GNB5: variants seen among roughly 807,000 people sequenced by gnomAD.
GNB5 encodes guanine nucleotide-binding protein subunit beta-5.
GNB5 carries 37 observed loss-of-function variants against 55.3 expected under a neutral mutation model. That is an observed-to-expected ratio of 0.67 (90% CI 0.51 to 0.88). The LOEUF is 0.88. Among genes scored for constraint, GNB5 ranks in the 40% least tolerant of loss-of-function variants. The probability of loss-of-function intolerance (pLI) is 0.00; values close to 1 mark genes in which losing one functional copy is unlikely to be tolerated. For missense variants in GNB5, 476 were observed against 515.3 expected (o/e 0.92, Z 0.74); for synonymous variants, 219 against 198.5 (o/e 1.10, Z -0.87).
Position 52,135,407 on chromosome 15 carries a change from C to T in GNB5, c.771+206G>A, listed in dbSNP as rs138153274. Among the ~76,000 whole-genome samples the T allele has an allele frequency of 4.7e-3, 722 of 152,276 alleles. 17 individuals carry two copies. Among genetic ancestry groups the T allele is most frequent in the East Asian group, 0.025 (127 of 5,170 alleles). ...CAGAAGGAGGCCCTCACAGCTTAGC[C>T]CTGTAGCTGCCCACCAAGCCCCCGA... On this transcript the variant is annotated intron_variant, in intron 8 of 12. Coordinates refer to ENST00000261837, the MANE Select transcript of GNB5 (RefSeq NM_016194.4).
intron 6 of GNB5, among the ~76,000 whole-genome samples, chr15:52,142,605 G>T (rs1053067271): frequency 1.3e-5 from 2 of 151,276 alleles, no homozygotes; most frequent in African/African-American, 4.9e-5. Context: ...GTCCTTGAAC[G>T]TTCCTTTACT....
At chr15:52,123,387 A>T (rs2033325696) in intron 12 of GNB5, among the ~76,000 whole-genome samples, 1 of 151,678 alleles carries the variant, frequency 6.6e-6, no homozygotes, top group Non-Finnish European at 1.5e-5. Context: ...AATCCTAATT[A>T]AGTGCCCCCC....
Position 52,120,621 on chromosome 15 carries a change from G to C in GNB5, c.*2136C>G, listed in dbSNP as rs1285079605. 1.8e-4 allele frequency: 20 copies of C among 108,750 alleles called. No individual in the cohort carries two copies. The highest frequency in any genetic ancestry group is 1.4e-3 in the African/African-American group (20 of 14,346). 6.7% of individuals were successfully genotyped at this position (108,750 alleles called of 1,614,324 possible). On this transcript the variant is annotated 3_prime_UTR_variant, in exon 13 of 13. Coordinates refer to ENST00000261837, the MANE Select transcript of GNB5 (RefSeq NM_016194.4). ...TGGGAGCCGGAAGGCACAGTGCAGA[G>C]ACAAAAAAAAAAATGGCTGTGGGAG...
intron 3 of GNB5, among the ~76,000 whole-genome samples, chr15:52,163,698 C>G (rs564042109): frequency 1.3e-5 from 2 of 152,338 alleles, no homozygotes; most frequent in South Asian, 4.1e-4. Flanking sequence ...AGGTTTCCCC[C>G]AGCACAGCGT....
Position 52,135,659 on chromosome 15 carries a change from C to T in GNB5, c.725G>A (p.Cys242Tyr). The change falls in exon 8 of 13, where the codon TGC becomes TAC. Residue 242 changes from cysteine to tyrosine, a missense_variant. Transcript: ENST00000261837. ...AGTTTCTGAGGGGGCCAGGTCCAAG[C>T]AGAGGACGTCAGCCCCATGTCCGTG... ...SFHGHGADVL[C>Y]LDLAPSETGN... is the part of the protein sequence containing the mutation. The T allele has an allele frequency of 1.2e-6, 2 of 1,613,688 alleles. No individual in the cohort carries two copies. Among genetic ancestry groups the T allele is most frequent in the Non-Finnish European group, 1.7e-6 (2 of 1,179,844 alleles).
chr15:52,121,600 T>A lies in GNB5; in HGVS notation c.*1157A>T, dbSNP rs1170458362. Reference sequence around the variant, plus strand: ...GTAATTATAATTGCAATGCAATACATATGAATATAATTTTTTTTTTTTTTT... The same window carrying A: ...GTAATTATAATTGCAATGCAATACAAATGAATATAATTTTTTTTTTTTTTT... On this transcript the variant is annotated 3_prime_UTR_variant, in exon 13 of 13. Coordinates refer to ENST00000261837, the MANE Select transcript of GNB5 (RefSeq NM_016194.4). 6.8e-6 allele frequency: 1 copy of A among 147,938 alleles called. No homozygotes were observed. The highest frequency in any genetic ancestry group is 2.1e-4 in the South Asian group (1 of 4,668). The allele number at this position is 147,938 out of a possible 1,614,324, so 9.2% of individuals were successfully genotyped here.
At chr15:52,140,052 G>T in intron 7 of GNB5, 1 of 972,462 alleles carries the variant, frequency 1.0e-6, no homozygotes, top group Non-Finnish European at 1.3e-6. Context: ...CAAGATTCCT[G>T]GTTAGGCTCA....
At chr15:52,140,818 G>A (rs1566937343) in intron 7 of GNB5, among the ~76,000 whole-genome samples, 1 of 152,148 alleles carries the variant, frequency 6.6e-6, no homozygotes, top group Non-Finnish European at 1.5e-5. Flanking sequence ...CTTTACACAC[G>A]TTAGCACGCA....
intron 3 of GNB5, among the ~76,000 whole-genome samples, chr15:52,156,937 C>CTT (rs996188157): frequency 1.2e-4 from 16 of 138,024 alleles, no homozygotes; most frequent in East Asian, 6.3e-4. Context: ...TTTCCAAATT[C>CTT]TTTTTTTTTT....
intron 3 of GNB5, among the ~76,000 whole-genome samples, chr15:52,170,472 T>C (rs191353529): frequency 3.3e-5 from 5 of 152,322 alleles, no homozygotes; most frequent in African/African-American, 1.2e-4. Context: ...AAACACCACA[T>C]GTTCTCCTTT....
chr15:52,133,598 G>A (rs2033632854), intron 8 of GNB5, 129 bp from the exon 9 acceptor site: 5 of 651,376 alleles, frequency 7.7e-6, no homozygotes, highest in Non-Finnish European at 1.4e-5. Context: ...ACTTTTCTGA[G>A]ACTAGCTTTA....
At chr15:52,176,597 C>T (rs1160239904) in intron 3 of GNB5, among the ~76,000 whole-genome samples, 2 of 152,170 alleles carry the variant, frequency 1.3e-5, no homozygotes, top group African/African-American at 4.8e-5. Context: ...GCTCAGAAAT[C>T]ATCTCTCGCT....
At chr15:52,129,912 G>A (rs534237485) in intron 9 of GNB5, among the ~76,000 whole-genome samples, 25 of 152,232 alleles carry the variant, frequency 1.6e-4, no homozygotes, top group African/African-American at 4.3e-4. Context: ...ACACTAGTTC[G>A]TTTTGTTTTG....
At chr15:52,157,898 T>A (rs1177646198) in intron 3 of GNB5, among the ~76,000 whole-genome samples, 2 of 147,436 alleles carry the variant, frequency 1.4e-5, no homozygotes, top group East Asian at 3.9e-4. Context: ...ATTAGGAAGT[T>A]AAAAAAAAAA....
Position 52,158,327 on chromosome 15 carries a change from A to G in GNB5, c.239-4251T>C, listed in dbSNP as rs1053778327. On this transcript the variant is annotated intron_variant, in intron 3 of 12. Coordinates refer to ENST00000261837, the MANE Select transcript of GNB5 (RefSeq NM_016194.4). ...TATTCAAGCCTGGCATAAAGGGAAC[A>G]CTTCATAAGGGTTGGCTATGACATT... Among the ~76,000 whole-genome samples the G allele has an allele frequency of 3.9e-5, 6 of 152,196 alleles. No homozygotes were observed. The East Asian group carries it at 1.2e-3, about 29-fold the overall frequency.
At chr15:52,141,102 T>G in intron 7 of GNB5, 38 bp downstream of exon 7, 1 of 1,606,418 alleles carries the variant, frequency 6.2e-7, no homozygotes, top group Non-Finnish European at 8.5e-7. Flanking sequence ...TTAGTGCTCC[T>G]TGGCAGGTCA....
rs763538889 is a variant in GNB5 at position 52,124,541 on chromosome 15, C to T, written c.1108G>A (p.Val370Ile). Reference sequence around the variant, plus strand: ...TCGGGGGAAACTCGTAGAGTGCTAACGCGGTTTTCATGTCCAAACAGGATG... The same window carrying T: ...TCGGGGGAAACTCGTAGAGTGCTAATGCGGTTTTCATGTCCAAACAGGATG... ...VSILFGHENR[V>I]STLRVSPDGT... The change falls in exon 12 of 13, where the codon GTT becomes ATT. Residue 370 changes from valine to isoleucine, a missense_variant. By Grantham distance (29) the Val-to-Ile change is conservative. Transcript: ENST00000261837. 4.5e-5 allele frequency: 72 copies of T among 1,613,804 alleles called. 1 individual carries two copies. The highest frequency in any genetic ancestry group is 3.6e-4 in the South Asian group (33 of 91,078).
Position 52,121,269 on chromosome 15 carries a change from C to T in GNB5, c.*1488G>A, listed in dbSNP as rs1028202583. 3.3e-5 allele frequency: 5 copies of T among 152,274 alleles called. No homozygotes were observed. Among genetic ancestry groups the T allele is most frequent in the Non-Finnish European group, 4.4e-5 (3 of 68,114 alleles). The allele number at this position is 152,274 out of a possible 1,614,324, so 9.4% of individuals were successfully genotyped here. ...GCCTTCAGGTGCAGCCAGAACCTGC[C>T]GGCAGACCCCAGGCCACCGACGAGG... On this transcript the variant is annotated 3_prime_UTR_variant, in exon 13 of 13. Coordinates refer to ENST00000261837, the MANE Select transcript of GNB5 (RefSeq NM_016194.4).
At chr15:52,136,882 T>G (rs2033737953) in intron 7 of GNB5, 1 of 411,000 alleles carries the variant, frequency 2.4e-6, no homozygotes, top group Non-Finnish European at 4.8e-6. Context: ...TGTTACTATG[T>G]TAAACCATAT....
Sources: allele counts gnomAD v4.1 joint callset (sites outside exome capture counted in the v4.1 genomes callset), GRCh38; gene constraint gnomAD v4.1.1; transcripts MANE v1.5; gene names NCBI Gene and HGNC (gene_info 2026-07-23, HGNC 2026-07-21).